SH3PXD2A: variants seen among roughly 807,000 people sequenced by gnomAD.
The protein encoded by SH3PXD2A is SH3 and PX domain-containing protein 2A.
Under a neutral mutation model 115.2 loss-of-function variants are expected in SH3PXD2A, and 32 were observed. That is an observed-to-expected ratio of 0.28 (90% CI 0.21 to 0.37). The LOEUF (loss-of-function observed/expected upper bound fraction) is 0.37, where lower values mean the gene tolerates loss of function less well. SH3PXD2A is among the 10% of genes least tolerant of loss of function. SH3PXD2A has a pLI of 1.00. For synonymous variants in SH3PXD2A, 610 were observed against 629.1 expected, an observed-to-expected ratio of 0.97 and a Z score of 0.45; for missense variants, 1,328 against 1,498.7, an observed-to-expected ratio of 0.89 and a Z score of 1.88.
chr10:103,718,008 C>CTT (rs34054940), intron 5 of SH3PXD2A, among the ~76,000 whole-genome samples: 25,025 of 143,478 alleles, frequency 0.17, 2,587 homozygotes, highest in East Asian at 0.28. Flanking sequence ...TTCCATGTGT[C>CTT]TTTTTTTTTT....
At chr10:103,680,383 A>G (rs1446324681) in intron 6 of SH3PXD2A, among the ~76,000 whole-genome samples, 1 of 152,158 alleles carries the variant, frequency 6.6e-6, no homozygotes, top group African/African-American at 2.4e-5. Context: ...CCTGGGCTCA[A>G]CAATCCTTCT....
At chr10:103,779,944 A>C (rs2038916676) in intron 2 of SH3PXD2A, among the ~76,000 whole-genome samples, 1 of 152,174 alleles carries the variant, frequency 6.6e-6, no homozygotes, top group African/African-American at 2.4e-5. Flanking sequence ...GCCCTGAAGA[A>C]GGGGGAAGGG....
At chr10:103,785,045 C>T (rs1216973733) in intron 2 of SH3PXD2A, among the ~76,000 whole-genome samples, 1 of 152,210 alleles carries the variant, frequency 6.6e-6, no homozygotes. Flanking sequence ...GTGCTCACCC[C>T]CAACCCTTCC....
At chr10:103,605,492 G>A (rs932942566) in intron 14 of SH3PXD2A, among the ~76,000 whole-genome samples, 5 of 152,214 alleles carry the variant, frequency 3.3e-5, no homozygotes, top group Non-Finnish European at 7.3e-5. Flanking sequence ...CCACTGTCCT[G>A]CAAGCTCATT....
At position 103,627,061 on chromosome 10, in the gene SH3PXD2A, C is replaced by T. The variant is rs757842987; in HGVS notation, c.718+28G>A. 1 of 1,322,426 alleles carries T rather than the reference C, an allele frequency of 7.6e-7. No individual in the cohort carries two copies. Among genetic ancestry groups the T allele is most frequent in the East Asian group, 2.3e-5 (1 of 43,488 alleles). The allele number at this position is 1,322,426 out of a possible 1,614,324, so 81.9% of individuals were successfully genotyped here. A position where few individuals can be genotyped will look rare whatever the true frequency, so the allele number is the denominator to read the frequency against. ...GCTGCCTCCAGAGGCCGCGTTGCTC[C>T]CTGCCCCTTGGACCTGCAAGCCCTC... is the stretch of plus-strand genomic sequence containing the variant. On this transcript the variant is annotated intron_variant, in intron 9 of 14. Transcript: ENST00000369774. This position sits in a 1 kb window ranked among gnomAD's most constrained non-coding sequence, Gnocchi z 4.4.
intron 3 of SH3PXD2A, among the ~76,000 whole-genome samples, chr10:103,758,340 T>G (rs930858671): frequency 6.6e-6 from 1 of 152,222 alleles, no homozygotes; most frequent in African/African-American, 2.4e-5. Context: ...ACCTACTCAG[T>G]GGAGATGTCA....
At chr10:103,714,967 T>G (rs2038088913) in intron 5 of SH3PXD2A, among the ~76,000 whole-genome samples, 1 of 152,096 alleles carries the variant, frequency 6.6e-6, no homozygotes, top group Admixed American at 6.5e-5. Context: ...TGCAGGGTGG[T>G]AGGGGCAGCC....
At chr10:103,615,668 A>G (rs1337738897) in intron 11 of SH3PXD2A, among the ~76,000 whole-genome samples, 3 of 152,042 alleles carry the variant, frequency 2.0e-5, no homozygotes, top group African/African-American at 7.2e-5. Context: ...TCTCAGTCCA[A>G]GCTCCTGCTG....
At chr10:103,847,325 T>C (rs906026472) in intron 1 of SH3PXD2A, among the ~76,000 whole-genome samples, 2 of 151,908 alleles carry the variant, frequency 1.3e-5, no homozygotes, top group Admixed American at 6.6e-5. Flanking sequence ...GAATTTTTTT[T>C]TTTTTTGAGA....
intron 2 of SH3PXD2A, among the ~76,000 whole-genome samples, chr10:103,771,845 C>T (rs1312248332): frequency 6.6e-6 from 1 of 152,002 alleles, no homozygotes; most frequent in Non-Finnish European, 1.5e-5. Context: ...CAACATGCAT[C>T]TGCAGCTCTT....
chr10:103,802,212 C>A (rs968928861), intron 1 of SH3PXD2A, among the ~76,000 whole-genome samples: 1 of 152,136 alleles, frequency 6.6e-6, no homozygotes, highest in African/African-American at 2.4e-5. Flanking sequence ...TTCAGGAGAC[C>A]AGAAGTGCTC....
At chr10:103,614,539 C>A (rs1564844535) in intron 11 of SH3PXD2A, among the ~76,000 whole-genome samples, 2 of 152,164 alleles carry the variant, frequency 1.3e-5, no homozygotes, top group African/African-American at 2.4e-5. Context: ...AATGATAGGG[C>A]TGACTTAATT....
At chr10:103,718,797 A>ACACG (rs1311409077) in intron 5 of SH3PXD2A, among the ~76,000 whole-genome samples, 9 of 149,722 alleles carry the variant, frequency 6.0e-5, no homozygotes, top group African/African-American at 2.2e-4. Context: ...ACACACACAC[A>ACACG]CGCACATACA....
At chr10:103,660,709 G>A (rs1377279123) in intron 8 of SH3PXD2A, among the ~76,000 whole-genome samples, 1 of 152,252 alleles carries the variant, frequency 6.6e-6, no homozygotes, top group African/African-American at 2.4e-5. Flanking sequence ...GACCCCAGCA[G>A]GGCTGGCCAT....
intron 1 of SH3PXD2A, among the ~76,000 whole-genome samples, chr10:103,813,826 C>T (rs1361993513): frequency 2.0e-5 from 3 of 152,046 alleles, no homozygotes; most frequent in African/African-American, 7.2e-5. Context: ...ACAACCCTGG[C>T]TGTACATTAC....
chr10:103,684,382 G>A (rs1444066205), intron 6 of SH3PXD2A, among the ~76,000 whole-genome samples: 1 of 149,818 alleles, frequency 6.7e-6, no homozygotes, highest in Non-Finnish European at 1.5e-5. Flanking sequence ...TTTTTGAGAC[G>A]GAATCTCACT....
intron 8 of SH3PXD2A, among the ~76,000 whole-genome samples, chr10:103,655,925 C>G (rs147613727): frequency 6.6e-6 from 1 of 152,104 alleles, no homozygotes; most frequent in African/African-American, 2.4e-5. Context: ...ACAAAGTATT[C>G]AAGTATTCAA....
intron 5 of SH3PXD2A, among the ~76,000 whole-genome samples, chr10:103,713,976 A>G (rs17115855): frequency 0.14 from 20,813 of 152,188 alleles, 2,485 homozygotes; most frequent in East Asian, 0.31. Context: ...ATCTAGAAAC[A>G]CTTGCATGAA....
At chr10:103,692,353 C>A (rs952921127) in intron 6 of SH3PXD2A, among the ~76,000 whole-genome samples, 1 of 138,934 alleles carries the variant, frequency 7.2e-6, no homozygotes, top group Non-Finnish European at 1.6e-5. Context: ...AAACTCTGGG[C>A]GGGCCCTGGC....
Sources: gnomAD v4.1 joint callset for allele counts (sites outside exome capture counted in the v4.1 genomes callset) on GRCh38, gnomAD v4.1.1 for gene constraint, Gnocchi (gnomAD v3.1) non-coding constraint, MANE v1.5 for transcripts, NCBI Gene and HGNC (gene_info 2026-07-23, HGNC 2026-07-21) for gene names.